Variants in EIF3E observed in about 807,000 individuals in gnomAD.
EIF3E encodes the protein eIF-3 p48.
EIF3E carries 25 observed loss-of-function variants against 59.3 expected under a neutral mutation model. That is an observed-to-expected ratio of 0.42 (90% CI 0.31 to 0.59). The LOEUF is 0.59. Ranked by LOEUF, EIF3E falls within the 20% of genes least tolerant of loss-of-function variation. The probability of loss-of-function intolerance (pLI) is 0.15; values close to 1 mark genes in which losing one functional copy is unlikely to be tolerated. For missense variants in EIF3E, 317 were observed against 534.3 expected, an observed-to-expected ratio of 0.59 and a Z score of 4.01; for synonymous variants, 176 against 170.2, an observed-to-expected ratio of 1.03 and a Z score of -0.26.
At chr8:108,229,026 T>G (rs766011627) in intron 6 of EIF3E, 44 bp downstream of exon 6, 1 of 1,558,386 alleles carries the variant, frequency 6.4e-7, no homozygotes, top group Non-Finnish European at 8.7e-7. Context: ...GTGTGAAGGA[T>G]ACACAGATAT....
chr8:108,216,933 A>G (rs1815315826), intron 8 of EIF3E, among the ~76,000 whole-genome samples: 1 of 152,200 alleles, frequency 6.6e-6, no homozygotes. Flanking sequence ...AATATCAATC[A>G]GCATGGCTGC....
chr8:108,211,426 C>T (rs568239355), intron 10 of EIF3E, among the ~76,000 whole-genome samples: 2 of 152,142 alleles, frequency 1.3e-5, no homozygotes, highest in East Asian at 1.9e-4. Context: ...TATCCTTTGC[C>T]CACTTTTTGA....
chr8:108,211,300 G>A (rs1220167790), intron 10 of EIF3E, among the ~76,000 whole-genome samples: 1 of 152,174 alleles, frequency 6.6e-6, no homozygotes, highest in Non-Finnish European at 1.5e-5. Flanking sequence ...TAACTGGTGT[G>A]AGATGGTATC....
In EIF3E at chr8:108,229,163, T is replaced by A. The variant is rs772457863; in HGVS notation, c.504A>T (p.Ser168=). Residue 168 remains serine (S), a synonymous_variant, in exon 6 of 13, where the codon TCA becomes TCT. Transcript: ENST00000220849. ...VPATDRNALS[S]LWGKLASEIL... ...TTTCAGAGGCCAGCTTTCCCCAGAGTGAACTTAAAGCATTTCTATCTGTTG... is the reference window on the plus strand; with the variant it reads ...TTTCAGAGGCCAGCTTTCCCCAGAGAGAACTTAAAGCATTTCTATCTGTTG... 14 of 1,613,412 alleles carry A rather than the reference T, an allele frequency of 8.7e-6. No individual in the cohort carries two copies. The African/African-American group carries it at 1.6e-4, about 18-fold the overall frequency.
intron 5 of EIF3E, 97 bp from the exon 6 acceptor site, chr8:108,229,292 G>C: frequency 1.7e-6 from 2 of 1,201,452 alleles, no homozygotes; most frequent in Non-Finnish European, 1.1e-6. Flanking sequence ...CCTACTAAAA[G>C]ACCTATAGCT....
At position 108,223,727 on chromosome 8, in the gene EIF3E, CCTTAT is replaced by C. The variant is rs1815465989; in HGVS notation, c.722+4535_722+4539del. ...ACACTGCTCTATCTTACACCTGCCA[CCTTAT>C]CTTATATATTATGTTACATTTAAAA... On this transcript the variant is annotated intron_variant, in intron 7 of 12. Transcript: ENST00000220849. Among the ~76,000 whole-genome samples, 9 of 146,670 alleles carry C rather than the reference CCTTAT, an allele frequency of 6.1e-5. No homozygotes were observed. The South Asian group carries it at 1.9e-3, about 30-fold the overall frequency.
At chr8:108,238,885 T>C (rs1241803269) in intron 3 of EIF3E, among the ~76,000 whole-genome samples, 2 of 152,228 alleles carry the variant, frequency 1.3e-5, no homozygotes, top group Non-Finnish European at 2.9e-5. Context: ...TATTCAATTT[T>C]AGTAAGAGAT....
intron 1 of EIF3E, among the ~76,000 whole-genome samples, chr8:108,247,385 G>A (rs1256402008): frequency 1.3e-5 from 2 of 152,150 alleles, no homozygotes; most frequent in African/African-American, 4.8e-5. Flanking sequence ...CAATGCAGAT[G>A]CGAATGTTTT....
chr8:108,215,357 G>A (rs1815282114), intron 9 of EIF3E, among the ~76,000 whole-genome samples: 1 of 152,068 alleles, frequency 6.6e-6, no homozygotes, highest in Non-Finnish European at 1.5e-5. Context: ...GGTGGCTGAC[G>A]CCTGTAATCC....
chr8:108,237,157 G>C (rs552614251), intron 3 of EIF3E, among the ~76,000 whole-genome samples: 3 of 152,314 alleles, frequency 2.0e-5, no homozygotes, highest in Non-Finnish European at 4.4e-5. Context: ...ATTATCTTGA[G>C]ATGTTGACAG....
At chr8:108,235,341 C>T (rs1231515228) in intron 4 of EIF3E, among the ~76,000 whole-genome samples, 1 of 152,068 alleles carries the variant, frequency 6.6e-6, no homozygotes, top group Non-Finnish European at 1.5e-5. Context: ...GGGCTGGGGT[C>T]GGGGAGGTGG....
chr8:108,233,659 T>C (rs1226724237), intron 5 of EIF3E: 8 of 411,508 alleles, frequency 1.9e-5, no homozygotes, highest in South Asian at 5.1e-5. Context: ...CTGGGCAACA[T>C]AGCAAGACTC....
In EIF3E at chr8:108,201,250, C is replaced by CATATATATATACATATATATATATAT. The variant is rs1814989030; in HGVS notation, c.*634_*635insATATATATATATATGTATATATATAT. The CATATATATATACATATATATATATAT allele has an allele frequency of 8.1e-6, 1 of 122,892 alleles. No individual in the cohort carries two copies. Among genetic ancestry groups the CATATATATATACATATATATATATAT allele is most frequent in the African/African-American group, 3.5e-5 (1 of 28,422 alleles). 7.6% of individuals were successfully genotyped at this position (122,892 alleles called of 1,614,324 possible). A position where few individuals can be genotyped will look rare whatever the true frequency, so the allele number is the denominator to read the frequency against. ...AATAAAAAAGGAATTAACTACTGAT[C>CATATATATATACATATATATATATAT]ATATATATATATATATCTATCTCTC... is the stretch of plus-strand genomic sequence containing the variant. On this transcript the variant is annotated 3_prime_UTR_variant, in exon 13 of 13. Coordinates refer to ENST00000220849, the MANE Select transcript of EIF3E (RefSeq NM_001568.3).
intron 10 of EIF3E, among the ~76,000 whole-genome samples, chr8:108,206,694 T>G (rs1390926535): frequency 1.3e-5 from 2 of 151,888 alleles, no homozygotes; most frequent in Non-Finnish European, 2.9e-5. Context: ...TCCCAGATAC[T>G]CGAGAGGCTA....
intron 7 of EIF3E, among the ~76,000 whole-genome samples, chr8:108,218,427 A>C (rs953543067): frequency 6.6e-6 from 1 of 152,182 alleles, no homozygotes; most frequent in African/African-American, 2.4e-5. Context: ...GTATTTTATT[A>C]TATTATAGAT....
chr8:108,241,310 TTTGA>T (rs1815829984), intron 2 of EIF3E, among the ~76,000 whole-genome samples: 1 of 152,074 alleles, frequency 6.6e-6, no homozygotes, highest in African/African-American at 2.4e-5. Context: ...ACTTAACAGT[TTTGA>T]TTAAGTAGGT....
In EIF3E at chr8:108,201,777, T is replaced by C; in HGVS notation, c.*108A>G. On this transcript the variant is annotated 3_prime_UTR_variant, in exon 13 of 13. Transcript: ENST00000220849. ...TCAATTTTATTCCAATTCTTCAAAA[T>C]TTATACGTAATATGTTGTTTCCAAA... The C allele has an allele frequency of 1.1e-6, 1 of 924,726 alleles. No homozygotes were observed. The highest frequency in any genetic ancestry group is 1.5e-6 in the Non-Finnish European group (1 of 675,480). 57.3% of individuals were successfully genotyped at this position (924,726 alleles called of 1,614,324 possible). A position where few individuals can be genotyped will look rare whatever the true frequency, so the allele number is the denominator to read the frequency against.
chr8:108,246,478 C>T (rs1268107595), intron 1 of EIF3E, among the ~76,000 whole-genome samples: 1 of 152,160 alleles, frequency 6.6e-6, no homozygotes, highest in Admixed American at 6.5e-5. Flanking sequence ...CAAAAACATT[C>T]AACTCTAAAG....
At chr8:108,207,182 C>G (rs954962205) in intron 10 of EIF3E, among the ~76,000 whole-genome samples, 4 of 152,058 alleles carry the variant, frequency 2.6e-5, no homozygotes, top group Non-Finnish European at 4.4e-5. Context: ...AAAATACACT[C>G]AGTAAAAGAA....
Sources: allele counts gnomAD v4.1 joint callset (sites outside exome capture counted in the v4.1 genomes callset), GRCh38; gene constraint gnomAD v4.1.1; transcripts MANE v1.5; gene names NCBI Gene and HGNC (gene_info 2026-07-23, HGNC 2026-07-21).